KCNH1: variants seen among roughly 807,000 people sequenced by gnomAD.
The protein encoded by KCNH1 is potassium voltage-gated channel subfamily H member 1.
A neutral mutation model predicts 69.2 loss-of-function variants in KCNH1; 27 were observed. That is an observed-to-expected ratio of 0.39 (90% CI 0.29 to 0.54). KCNH1 has a LOEUF of 0.54. KCNH1 is among the 20% of genes least tolerant of loss of function. The pLI, the probability that KCNH1 is intolerant of heterozygous loss-of-function variation, is 0.68. For missense variants in KCNH1, 798 were observed against 1,261.6 expected (o/e 0.63, Z 5.57); for synonymous variants, 456 against 487.7 (o/e 0.93, Z 0.86).
intron 5 of KCNH1, among the ~76,000 whole-genome samples, chr1:211,069,006 C>T (rs532452636): frequency 6.6e-6 from 1 of 152,298 alleles, no homozygotes; most frequent in Non-Finnish European, 1.5e-5. Context: ...AAGAAAAATC[C>T]CCTTGTGCTT....
intron 10 of KCNH1, among the ~76,000 whole-genome samples, chr1:210,713,561 C>CTAAT (rs1293604954): frequency 1.3e-5 from 2 of 152,166 alleles, no homozygotes; most frequent in African/African-American, 4.8e-5. Flanking sequence ...GATCGTCTTC[C>CTAAT]TAATTGTTCT....
chr1:210,942,942 T>C (rs1687899196), intron 6 of KCNH1, among the ~76,000 whole-genome samples: 2 of 152,186 alleles, frequency 1.3e-5, no homozygotes, highest in South Asian at 4.1e-4. Context: ...GTGGAAAAGT[T>C]GTATATAGAC....
intron 1 of KCNH1, chr1:211,132,472 A>G (rs1035188732): frequency 2.6e-5 from 4 of 152,132 alleles, no homozygotes; most frequent in African/African-American, 4.8e-5. Context: ...GACCAGAAAC[A>G]CTCTTAAGAG....
In KCNH1 at chr1:210,788,285, T is replaced by C. The variant is rs189108523; in HGVS notation, c.1915+9223A>G. 5.8e-3 allele frequency among the ~76,000 whole-genome samples: 877 copies of C among 152,368 alleles called. 6 individuals are homozygous for C. Among genetic ancestry groups the C allele is most frequent in the Non-Finnish European group, 1.0e-2 (678 of 68,028 alleles). ...TTTCCATCTTTCTTTTACTCATATATGCATTTTGATCTAGTTAAGGTTACT... is the reference window on the plus strand; with the variant it reads ...TTTCCATCTTTCTTTTACTCATATACGCATTTTGATCTAGTTAAGGTTACT... On this transcript the variant is annotated intron_variant, in intron 9 of 10. Transcript: ENST00000271751.
intron 6 of KCNH1, among the ~76,000 whole-genome samples, chr1:210,957,108 A>C (rs143686445): frequency 6.6e-6 from 1 of 151,212 alleles, no homozygotes; most frequent in East Asian, 2.0e-4. Flanking sequence ...AATCTGGTAC[A>C]TTGTGTCTTT....
At chr1:211,116,662 T>A (rs1165984589) in intron 1 of KCNH1, among the ~76,000 whole-genome samples, 4 of 152,168 alleles carry the variant, frequency 2.6e-5, no homozygotes, top group Non-Finnish European at 5.9e-5. Flanking sequence ...ACTCTGTTTG[T>A]CTTGGTCTGT....
At chr1:210,899,704 T>C (rs1410510873) in intron 7 of KCNH1, among the ~76,000 whole-genome samples, 1 of 152,234 alleles carries the variant, frequency 6.6e-6, no homozygotes, top group Non-Finnish European at 1.5e-5. Flanking sequence ...CTAGGTGGTT[T>C]ATATTTGTGA....
chr1:210,950,970 G>T (rs1206296823), intron 6 of KCNH1, among the ~76,000 whole-genome samples: 1 of 152,114 alleles, frequency 6.6e-6, no homozygotes, highest in African/African-American at 2.4e-5. Flanking sequence ...ATAAGCAAAA[G>T]AAAATAAAAG....
chr1:210,971,701 A>G (rs1277479498), intron 6 of KCNH1, among the ~76,000 whole-genome samples: 1 of 58,802 alleles, frequency 1.7e-5, no homozygotes, highest in Non-Finnish European at 2.9e-5. Context: ...AGAAATTAGC[A>G]AAATCTAAAA....
At chr1:210,910,863 T>G (rs747731597) in intron 7 of KCNH1, among the ~76,000 whole-genome samples, 1 of 152,228 alleles carries the variant, frequency 6.6e-6, no homozygotes, top group African/African-American at 2.4e-5. Context: ...ATCCTAACCA[T>G]TATTCACTGG....
At chr1:211,001,404 C>T (rs1183875612) in intron 6 of KCNH1, among the ~76,000 whole-genome samples, 1 of 152,162 alleles carries the variant, frequency 6.6e-6, no homozygotes, top group Non-Finnish European at 1.5e-5. Context: ...CCAAAAGACA[C>T]ATGAAAAAAT....
chr1:210,942,644 A>T (rs188383680), intron 6 of KCNH1, among the ~76,000 whole-genome samples: 2 of 152,342 alleles, frequency 1.3e-5, no homozygotes, highest in East Asian at 3.9e-4. Flanking sequence ...GCAAACAAGC[A>T]GTCATATATA....
intron 5 of KCNH1, among the ~76,000 whole-genome samples, chr1:211,053,726 T>G (rs1040651502): frequency 2.0e-5 from 3 of 152,072 alleles, no homozygotes; most frequent in Non-Finnish European, 2.9e-5. Flanking sequence ...TTTGTGACAT[T>G]GATAAACTCA....
At chr1:210,789,731 T>C (rs1433123079) in intron 9 of KCNH1, among the ~76,000 whole-genome samples, 1 of 152,242 alleles carries the variant, frequency 6.6e-6, no homozygotes, top group Non-Finnish European at 1.5e-5. Flanking sequence ...ACATGCACTA[T>C]AACATGTTAG....
At chr1:210,881,290 A>G (rs2102508503) in intron 7 of KCNH1, among the ~76,000 whole-genome samples, 1 of 152,300 alleles carries the variant, frequency 6.6e-6, no homozygotes, top group African/African-American at 2.4e-5. Flanking sequence ...GGTGTGAGCC[A>G]CCATGCCCAG....
chr1:210,975,461 T>G (rs1688589912), intron 6 of KCNH1, among the ~76,000 whole-genome samples: 1 of 152,162 alleles, frequency 6.6e-6, no homozygotes, highest in South Asian at 2.1e-4. Context: ...TACAACCATC[T>G]GATCTTTGAC....
intron 5 of KCNH1, among the ~76,000 whole-genome samples, chr1:211,039,917 C>T (rs531074822): frequency 5.3e-4 from 81 of 152,138 alleles, no homozygotes; most frequent in African/African-American, 1.7e-3. Flanking sequence ...GGGCTGGGTG[C>T]GGTGGCTCAC....
chr1:210,814,489 A>G (rs974134759), intron 7 of KCNH1, among the ~76,000 whole-genome samples: 1 of 152,162 alleles, frequency 6.6e-6, no homozygotes, highest in Non-Finnish European at 1.5e-5. Flanking sequence ...TTCAACAAAC[A>G]TTAAATACTC....
intron 6 of KCNH1, among the ~76,000 whole-genome samples, chr1:210,979,749 G>C (rs929279645): frequency 2.6e-5 from 4 of 152,100 alleles, no homozygotes; most frequent in Non-Finnish European, 5.9e-5. Flanking sequence ...ACCAGTTATA[G>C]TGGCTTATCA....
Sources: allele counts gnomAD v4.1 joint callset (sites outside exome capture counted in the v4.1 genomes callset), GRCh38; gene constraint gnomAD v4.1.1; transcripts MANE v1.5; gene names NCBI Gene and HGNC (gene_info 2026-07-23, HGNC 2026-07-21).